Variants in EML4 observed in about 807,000 individuals in gnomAD.
EML4 encodes the protein echinoderm microtubule-associated protein-like 4.
EML4 carries 72 observed loss-of-function variants against 129.0 expected under a neutral mutation model. The observed-to-expected ratio is 0.56, with a 90% CI of 0.46 to 0.68. EML4 has a LOEUF of 0.68. Among genes scored for constraint, EML4 ranks in the 30% least tolerant of loss-of-function variants. The pLI, the probability that EML4 is intolerant of heterozygous loss-of-function variation, is 0.00. For synonymous variants in EML4, 532 were observed against 405.0 expected (o/e 1.31, Z -3.77); for missense variants, 1,363 against 1,190.6 (o/e 1.14, Z -2.13).
intron 19 of EML4, among the ~76,000 whole-genome samples, chr2:42,319,055 G>A (rs1312702417): frequency 6.6e-6 from 1 of 152,110 alleles, no homozygotes; most frequent in Non-Finnish European, 1.5e-5. Context: ...TTAATAAACA[G>A]TATATCAAAT....
chr2:42,176,874 A>G (rs915434805), intron 1 of EML4, among the ~76,000 whole-genome samples: 3 of 151,982 alleles, frequency 2.0e-5, no homozygotes, highest in Non-Finnish European at 1.5e-5. Flanking sequence ...GCTCACTGCA[A>G]CCTCTGCCTC....
At chr2:42,176,640 C>T (rs1475803214) in intron 1 of EML4, among the ~76,000 whole-genome samples, 1 of 152,168 alleles carries the variant, frequency 6.6e-6, no homozygotes, top group Non-Finnish European at 1.5e-5. Flanking sequence ...TTTTCATTCC[C>T]AGCCCAAAGT....
chr2:42,269,205 C>T (rs1156701196), intron 6 of EML4, among the ~76,000 whole-genome samples: 2 of 152,176 alleles, frequency 1.3e-5, no homozygotes, highest in Non-Finnish European at 2.9e-5. Context: ...GAATTATATA[C>T]TGTCTAAAAT....
intron 17 of EML4, among the ~76,000 whole-genome samples, chr2:42,314,588 C>T (rs958658022): frequency 1.4e-4 from 22 of 152,196 alleles, no homozygotes; most frequent in African/African-American, 5.3e-4. Flanking sequence ...TCTTCCTGCA[C>T]ACTGCACTAC....
At chr2:42,240,008 C>T (rs1159875471) in intron 1 of EML4, among the ~76,000 whole-genome samples, 1 of 152,124 alleles carries the variant, frequency 6.6e-6, no homozygotes, top group African/African-American at 2.4e-5. Flanking sequence ...GACTCGTTTG[C>T]TGTGTGGCCA....
chr2:42,249,532 G>A (rs1366315587), intron 2 of EML4, among the ~76,000 whole-genome samples: 1 of 152,168 alleles, frequency 6.6e-6, no homozygotes, highest in Non-Finnish European at 1.5e-5. Context: ...AGATGGTGGT[G>A]ATATGGGAAG....
chr2:42,320,199 G>A (rs1669449809), intron 19 of EML4, among the ~76,000 whole-genome samples: 5 of 151,508 alleles, frequency 3.3e-5, no homozygotes, highest in Admixed American at 3.3e-4. Flanking sequence ...AACTTCATAA[G>A]CTAAGAAACA....
chr2:42,187,038 T>C (rs1295624976), intron 1 of EML4, among the ~76,000 whole-genome samples: 3 of 123,944 alleles, frequency 2.4e-5, no homozygotes, highest in African/African-American at 9.1e-5. Flanking sequence ...TTTCTTCTCC[T>C]TTTTTTGGAG....
chr2:42,237,452 G>A (rs1227110643), intron 1 of EML4, among the ~76,000 whole-genome samples: 1 of 152,002 alleles, frequency 6.6e-6, no homozygotes, highest in Non-Finnish European at 1.5e-5. Context: ...TTATGATTTT[G>A]CCTTTAATTC....
chr2:42,220,795 A>C (rs1353652229), intron 1 of EML4, among the ~76,000 whole-genome samples: 1 of 152,216 alleles, frequency 6.6e-6, no homozygotes, highest in Non-Finnish European at 1.5e-5. Context: ...GTGCTACTCC[A>C]GTGAACATAT....
chr2:42,252,520 C>T (rs58696302), intron 2 of EML4, among the ~76,000 whole-genome samples: 52 of 152,266 alleles, frequency 3.4e-4, no homozygotes, highest in African/African-American at 1.2e-3. Context: ...GCTTAAAACC[C>T]TTTAGTGGTT....
chr2:42,304,947 C>T (rs1034595955), intron 17 of EML4, among the ~76,000 whole-genome samples: 2 of 152,192 alleles, frequency 1.3e-5, no homozygotes, highest in African/African-American at 4.8e-5. Context: ...AGCGAAACCC[C>T]GTCCCTACTA....
chr2:42,178,722 G>C (rs1035021970), intron 1 of EML4, among the ~76,000 whole-genome samples: 2 of 152,090 alleles, frequency 1.3e-5, no homozygotes, highest in Non-Finnish European at 2.9e-5. Context: ...GTCTTGACTG[G>C]TTCCCCACTT....
intron 19 of EML4, among the ~76,000 whole-genome samples, chr2:42,320,943 T>C (rs1400935012): frequency 6.6e-6 from 1 of 152,096 alleles, no homozygotes; most frequent in African/African-American, 2.4e-5. Flanking sequence ...CAGGATTTGG[T>C]TAATTGGAAA....
intron 11 of EML4, among the ~76,000 whole-genome samples, chr2:42,290,066 G>A (rs113547783): frequency 0.063 from 9,539 of 151,820 alleles, 951 homozygotes; most frequent in African/African-American, 0.22. Flanking sequence ...CAGCCTGGGC[G>A]ACAGAGCAAG....
intron 14 of EML4, among the ~76,000 whole-genome samples, chr2:42,302,715 G>A (rs1423133363): frequency 1.3e-5 from 2 of 151,930 alleles, no homozygotes; most frequent in African/African-American, 2.4e-5. Flanking sequence ...TATATTTTTA[G>A]TAGAGACAGG....
At chr2:42,270,375 A>G (rs1420918618) in intron 6 of EML4, among the ~76,000 whole-genome samples, 4 of 152,318 alleles carry the variant, frequency 2.6e-5, no homozygotes, top group South Asian at 4.1e-4. Flanking sequence ...CCTGGGCAAC[A>G]TGGCAAAACC....
At chr2:42,286,940 G>A (rs1407191604) in intron 10 of EML4, among the ~76,000 whole-genome samples, 2 of 152,088 alleles carry the variant, frequency 1.3e-5, no homozygotes, top group Non-Finnish European at 2.9e-5. Flanking sequence ...TTTATTCTAA[G>A]GGTAAAATAA....
intron 6 of EML4, among the ~76,000 whole-genome samples, chr2:42,265,215 G>T (rs539861806): frequency 7.0e-6 from 1 of 143,078 alleles, no homozygotes; most frequent in South Asian, 2.1e-4. Context: ...CTCCCAGGTA[G>T]CTGGGGACTA....
Sources: allele counts gnomAD v4.1 joint callset (sites outside exome capture counted in the v4.1 genomes callset), GRCh38; gene constraint gnomAD v4.1.1; transcripts MANE v1.5; gene names NCBI Gene and HGNC (gene_info 2026-07-23, HGNC 2026-07-21).